The following RTN4 variants were observed in gnomAD, a reference collection of about 807,000 sequenced individuals.
RTN4 encodes reticulon-4.
RTN4 carries 32 observed loss-of-function variants against 90.4 expected under a neutral mutation model. The observed-to-expected ratio is 0.35, with a 90% confidence interval of 0.27 to 0.48. The LOEUF is 0.48. RTN4 is among the 20% of genes least tolerant of loss of function. The probability of loss-of-function intolerance (pLI) is 0.99; values close to 1 mark genes in which losing one functional copy is unlikely to be tolerated. For missense variants in RTN4, 1,706 were observed against 1,430.2 expected (o/e 1.19, Z -3.11); for synonymous variants, 629 against 552.5 (o/e 1.14, Z -1.94).
intron 5 of RTN4, among the ~76,000 whole-genome samples, chr2:54,978,156 A>C (rs1677800035): frequency 6.6e-6 from 1 of 152,212 alleles, no homozygotes; most frequent in Non-Finnish European, 1.5e-5. Context: ...TAGGCTGGGC[A>C]TGGTGGCTCA....
At position 54,973,397 on chromosome 2, in the gene RTN4, AAAC is replaced by A; in HGVS notation, c.3536+163_3536+165del. 6.6e-6 allele frequency: 5 copies of A among 761,454 alleles called. No individual in the cohort carries two copies. In the South Asian group the frequency reaches 9.0e-5, roughly 14 times the overall value. 47.2% of individuals were successfully genotyped at this position (761,454 alleles called of 1,614,324 possible). On this transcript the variant is annotated intron_variant, in intron 8 of 8. Transcript: ENST00000337526. ...AGCCTTAAACACATAATAAACCCAG[AAAC>A]GAATGGTCCAAATGTTAGAAAAACA...
rs530921271 is a variant in RTN4 at position 54,972,795 on chromosome 2, CTTT to C, written c.*358_*360del. 1.8e-4 allele frequency: 27 copies of C among 150,010 alleles called. No homozygotes were observed. Among genetic ancestry groups the C allele is most frequent in the Middle Eastern group, 5.8e-3 (2 of 344 alleles). The allele number at this position is 150,010 out of a possible 1,614,324, so 9.3% of individuals were successfully genotyped here. A position where few individuals can be genotyped will look rare whatever the true frequency, so the allele number is the denominator to read the frequency against. On this transcript the variant is annotated 3_prime_UTR_variant, in exon 9 of 9. Coordinates refer to ENST00000337526, the MANE Select transcript of RTN4 (RefSeq NM_020532.5). The stretch of plus-strand genomic sequence containing the variant: ...TACACAGTGCACAAACTGAAAAGGG[CTTT>C]TTTTTTTTTTTTTCTAGCTCCACCA...
intron 3 of RTN4, among the ~76,000 whole-genome samples, chr2:54,994,771 C>T (rs1180826148): frequency 3.3e-5 from 5 of 152,132 alleles, no homozygotes; most frequent in Non-Finnish European, 7.4e-5. Context: ...AGATTAAACT[C>T]TATTTAAAGA....
chr2:55,052,327 T>C (rs1473684328), upstream of RTN4, among the ~76,000 whole-genome samples: 1 of 152,198 alleles, frequency 6.6e-6, no homozygotes, highest in Non-Finnish European at 1.5e-5. Context: ...TGAGAGTGTA[T>C]GGGAACTCTG....
intron 1 of RTN4, among the ~76,000 whole-genome samples, chr2:55,036,329 C>A (rs926807190): frequency 6.6e-6 from 1 of 152,024 alleles, no homozygotes; most frequent in Non-Finnish European, 1.5e-5. Context: ...AGGTCGCACG[C>A]AGTGGCTCAT....
chr2:55,137,523 G>T, the RTN4 span, among the ~76,000 whole-genome samples: 1 of 152,108 alleles, frequency 6.6e-6, no homozygotes, highest in African/African-American at 2.4e-5. Context: ...TGACTAGATG[G>T]GAGTCATGTG....
Position 54,973,641 on chromosome 2 carries a change from G to C in RTN4, c.3478-20C>G, listed in dbSNP as rs1165073160. The C allele has an allele frequency of 2.5e-6, 4 of 1,592,174 alleles. No homozygotes were observed. In the East Asian group the frequency reaches 6.7e-5, roughly 27 times the overall value. ...CTGTGCCTGAAAGAGAGGTATAAAGGAATTATTACCGTTGCTAAAGAATCT... is the reference window on the plus strand; with the variant it reads ...CTGTGCCTGAAAGAGAGGTATAAAGCAATTATTACCGTTGCTAAAGAATCT... On this transcript the variant is annotated intron_variant, in intron 7 of 8. Coordinates refer to ENST00000337526, the MANE Select transcript of RTN4 (RefSeq NM_020532.5).
chr2:54,979,874 T>C (rs1424898060), intron 5 of RTN4, among the ~76,000 whole-genome samples: 1 of 152,202 alleles, frequency 6.6e-6, no homozygotes, highest in Non-Finnish European at 1.5e-5. Context: ...CCAAGCAGGT[T>C]TCCTTGAGCT....
intron 1 of RTN4, among the ~76,000 whole-genome samples, chr2:55,104,833 G>A (rs1667913915): frequency 6.6e-6 from 1 of 151,890 alleles, no homozygotes; most frequent in African/African-American, 2.4e-5. Flanking sequence ...TTGAAACAGA[G>A]TCTCATTCTG....
chr2:55,079,486 G>C (rs1343280281), intron 2 of RTN4, among the ~76,000 whole-genome samples: 1 of 152,192 alleles, frequency 6.6e-6, no homozygotes, highest in East Asian at 1.9e-4. Flanking sequence ...CACATGTCAG[G>C]TAAAGTGGCA....
At chr2:55,038,605 T>A (rs1351734946) in intron 1 of RTN4, among the ~76,000 whole-genome samples, 3 of 152,154 alleles carry the variant, frequency 2.0e-5, no homozygotes, top group Non-Finnish European at 4.4e-5. Flanking sequence ...GGTTAGAATT[T>A]AAAAAACTGA....
chr2:55,136,490 T>C, the RTN4 span, among the ~76,000 whole-genome samples: 1 of 152,250 alleles, frequency 6.6e-6, no homozygotes, highest in Non-Finnish European at 1.5e-5. Flanking sequence ...TTACTTCCTT[T>C]TGTTCCTGCG....
chr2:55,125,493 C>T, the RTN4 span, among the ~76,000 whole-genome samples: 4 of 152,204 alleles, frequency 2.6e-5, no homozygotes, highest in Non-Finnish European at 4.4e-5. Context: ...TGGCCGGGTG[C>T]GGTGGCTCAC....
In RTN4 at chr2:55,063,017, T is replaced by G. The variant is rs1040248545; in HGVS notation, c.-63+17472A>C. Among the ~76,000 whole-genome samples the G allele has an allele frequency of 4.6e-5, 7 of 152,292 alleles. No individual in the cohort carries two copies. The South Asian group carries it at 6.2e-4, about 14-fold the overall frequency. On this transcript the variant is annotated intron_variant, in intron 2 of 3. Transcript: ENST00000427710. The stretch of plus-strand genomic sequence containing the variant: ...CATATGCTTAATTTGGTGGAATAGC[T>G]AGAGGGAAGAAGCCTAGGTCTCTTA...
chr2:54,982,446 A>C, intron 5 of RTN4, 69 bp downstream of exon 5: 1 of 1,370,248 alleles, frequency 7.3e-7, no homozygotes, highest in Non-Finnish European at 1.0e-6. Context: ...AGAAGAACAG[A>C]ATTTTACACT....
intron 3 of RTN4, among the ~76,000 whole-genome samples, chr2:55,021,005 AAAG>A (rs1213605523): frequency 3.3e-5 from 5 of 152,336 alleles, no homozygotes; most frequent in African/African-American, 4.8e-5. Flanking sequence ...CGAAAAAAGA[AAAG>A]AAGAACATAT....
At chr2:54,990,990 G>A (rs779566190) in intron 3 of RTN4, among the ~76,000 whole-genome samples, 125 of 152,128 alleles carry the variant, frequency 8.2e-4, no homozygotes, top group East Asian at 2.1e-3. Flanking sequence ...CACCGTGTTA[G>A]GAAGGATGGT....
rs746362565 is a variant in RTN4, at chr2:55,050,134, T to C, written c.167A>G (p.Glu56Gly). Residue 56 changes from glutamate to glycine, a missense_variant, in exon 1 of 9, where the codon GAG becomes GGG. Transcript: ENST00000337526. The surrounding 1 kb of genome is among the most constrained non-coding windows in gnomAD (Gnocchi z 4.6). ...DEDLEELEVLERKPAAGLSAA... is the reference protein window; with the variant it reads ...DEDLEELEVLGRKPAAGLSAA... ...GGACAGCCCGGCGGCGGGCTTCCTC[T>C]CCAGCACCTCCAGCTCCTCCAGGTC... 1 of 1,541,566 alleles carries C rather than the reference T, an allele frequency of 6.5e-7. No homozygotes were observed. Among genetic ancestry groups the C allele is most frequent in the Non-Finnish European group, 8.7e-7 (1 of 1,152,032 alleles).
intron 5 of RTN4, among the ~76,000 whole-genome samples, chr2:54,980,262 A>T (rs1467772048): frequency 1.3e-5 from 2 of 152,218 alleles, no homozygotes; most frequent in African/African-American, 4.8e-5. Flanking sequence ...TCGATTCTCA[A>T]ATACGTGTGC....
Sources: allele counts gnomAD v4.1 joint callset (sites outside exome capture counted in the v4.1 genomes callset), GRCh38; gene constraint gnomAD v4.1.1; non-coding constraint Gnocchi (gnomAD v3.1); transcripts MANE v1.5; gene names NCBI Gene and HGNC (gene_info 2026-07-23, HGNC 2026-07-21).